PIGF: variants seen among roughly 807,000 people sequenced by gnomAD.
The protein encoded by PIGF is GPI ethanolamine phosphate transferase, stabilizing subunit.
Under a neutral mutation model 26.0 loss-of-function variants are expected in PIGF, and 23 were observed. The observed-to-expected ratio is 0.88, with a 90% CI of 0.64 to 1.25. The LOEUF is 1.25. Among genes scored for constraint, PIGF ranks in the 50% most tolerant of loss-of-function variants. The probability of loss-of-function intolerance (pLI) is 0.00; values close to 1 mark genes in which losing one functional copy is unlikely to be tolerated. For synonymous variants in PIGF, 93 were observed against 92.6 expected (o/e 1.00, Z -0.03); for missense variants, 278 against 249.9 (o/e 1.11, Z -0.76).
intron 4 of PIGF, among the ~76,000 whole-genome samples, chr2:46,595,785 A>C (rs1330450562): frequency 6.6e-6 from 1 of 152,106 alleles, no homozygotes; most frequent in Admixed American, 6.5e-5. Flanking sequence ...TTTTTTTATT[A>C]CAGTCATCGT....
chr2:46,599,091 G>A (rs1403931724), intron 4 of PIGF, among the ~76,000 whole-genome samples: 1 of 152,134 alleles, frequency 6.6e-6, no homozygotes, highest in East Asian at 1.9e-4. Flanking sequence ...GTGTAAGGTG[G>A]GAACTCATGG....
intron 4 of PIGF, among the ~76,000 whole-genome samples, chr2:46,594,779 C>T (rs1391030661): frequency 4.0e-5 from 6 of 150,676 alleles, no homozygotes; most frequent in Non-Finnish European, 5.9e-5. Flanking sequence ...TGTGATCCGC[C>T]GGCCTCAGCC....
intron 5 of PIGF, 98 bp from the exon 6 acceptor site, chr2:46,581,689 C>T: frequency 6.8e-7 from 1 of 1,464,774 alleles, no homozygotes; most frequent in Non-Finnish European, 9.1e-7. Flanking sequence ...GCTTAATGTG[C>T]TTTCTTAAAG....
At chr2:46,598,944 G>C (rs1034474423) in intron 4 of PIGF, among the ~76,000 whole-genome samples, 4 of 152,140 alleles carry the variant, frequency 2.6e-5, no homozygotes, top group African/African-American at 4.8e-5. Context: ...CTAGGGACGG[G>C]GTAGGAACCT....
chr2:46,596,944 T>C (rs1432290301), intron 4 of PIGF, among the ~76,000 whole-genome samples: 4 of 152,224 alleles, frequency 2.6e-5, no homozygotes, highest in African/African-American at 7.2e-5. Flanking sequence ...TAATCTTTAA[T>C]TGTCCATGGA....
rs1669680838 is a variant in PIGF at position 46,590,005 on chromosome 2, A to C, written c.546+2470T>G. 3.3e-5 allele frequency among the ~76,000 whole-genome samples: 5 copies of C among 152,092 alleles called. 1 individual carries two copies. The South Asian group carries it at 1.0e-3, about 31-fold the overall frequency. On this transcript the variant is annotated intron_variant, in intron 5 of 5. Transcript: ENST00000281382. ...TATCATTCCCTCAACAATACATTTC[A>C]TAATTTAAAAGGTTTACAGTGAATA...
At chr2:46,590,920 C>A (rs996548914) in intron 5 of PIGF, among the ~76,000 whole-genome samples, 1 of 152,136 alleles carries the variant, frequency 6.6e-6, no homozygotes, top group Non-Finnish European at 1.5e-5. Context: ...CGGGGAGACA[C>A]GACATCTAAC....
Position 46,588,112 on chromosome 2 carries a change from A to C in PIGF, c.546+4363T>G, listed in dbSNP as rs1669633111. The C allele has an allele frequency of 1.2e-6, 2 of 1,607,612 alleles. No individual in the cohort carries two copies. The highest frequency in any genetic ancestry group is 1.7e-6 in the Non-Finnish European group (2 of 1,176,968). On this transcript the variant is annotated intron_variant, in intron 5 of 5. Transcript: ENST00000281382. The surrounding 1 kb of genome is among the most constrained non-coding windows in gnomAD (Gnocchi z 4.1). ...TTGTCAGGATTAAGTTACTCATTTC[A>C]CAGTACCAAGCCCCCTGCAGGGTAC... is the stretch of plus-strand genomic sequence containing the variant.
chr2:46,616,432 T>C (rs1670631055), intron 1 of PIGF: 1 of 152,490 alleles, frequency 6.6e-6, no homozygotes, highest in Non-Finnish European at 1.5e-5. Flanking sequence ...GATGTGGATG[T>C]AATACAGTGA....
In PIGF at chr2:46,591,092, A is replaced by G. The variant is rs564895151; in HGVS notation, c.546+1383T>C. Among the ~76,000 whole-genome samples, 11 of 152,374 alleles carry G rather than the reference A, an allele frequency of 7.2e-5. No individual in the cohort carries two copies. The East Asian group carries it at 1.7e-3, about 24-fold the overall frequency. On this transcript the variant is annotated intron_variant, in intron 5 of 5. Transcript: ENST00000281382. ...AAATTGGACAAATATGCAAAGATGT[A>G]TAAGTATGATAATGACCATATTTGA...
intron 4 of PIGF, among the ~76,000 whole-genome samples, chr2:46,608,453 C>T (rs1307862518): frequency 3.9e-5 from 6 of 152,278 alleles, no homozygotes; most frequent in East Asian, 3.9e-4. Flanking sequence ...ATCAGCTTCT[C>T]GTCAATGTTG....
At chr2:46,590,144 G>T (rs943401080) in intron 5 of PIGF, among the ~76,000 whole-genome samples, 2 of 152,062 alleles carry the variant, frequency 1.3e-5, no homozygotes, top group Admixed American at 1.3e-4. Context: ...CACTTGTTAT[G>T]TATTTAAATT....
chr2:46,594,852 G>GTTTGTT (rs1669833943), intron 4 of PIGF, among the ~76,000 whole-genome samples: 1 of 133,784 alleles, frequency 7.5e-6, no homozygotes, highest in South Asian at 2.5e-4. Context: ...TTTTTTTTTT[G>GTTTGTT]TTTGTTTTTG....
intron 5 of PIGF, among the ~76,000 whole-genome samples, chr2:46,590,036 G>A (rs760881571): frequency 4.1e-4 from 62 of 152,098 alleles, no homozygotes; most frequent in Non-Finnish European, 6.9e-4. Flanking sequence ...GAATACGTGG[G>A]TCATTAACTT....
At chr2:46,610,526 C>CTTTTTTTTTTTTTTTTTTTTTTTTTTTTT (rs10690699) in intron 4 of PIGF, among the ~76,000 whole-genome samples, 1 of 110,316 alleles carries the variant, frequency 9.1e-6, no homozygotes, top group South Asian at 3.1e-4. Flanking sequence ...GTACTGATTC[C>CTTTTTTTTTTTTTTTTTTTTTTTTTTTTT]TTTTTTTTTT....
rs565389431 is a variant in PIGF, at chr2:46,588,026, C to A, written c.546+4449G>T. 2,293 of 1,463,104 alleles carry A rather than the reference C, an allele frequency of 1.6e-3. 3 individuals carry two copies. Among genetic ancestry groups the A allele is most frequent in the Middle Eastern group, 3.4e-3 (19 of 5,662 alleles). The allele number at this position is 1,463,104 out of a possible 1,614,324, so 90.6% of individuals were successfully genotyped here. On this transcript the variant is annotated intron_variant, in intron 5 of 5. Transcript: ENST00000281382. This position sits in a 1 kb window ranked among gnomAD's most constrained non-coding sequence, Gnocchi z 4.1. ...ATGCTAAGCAAGATGTGTACTCCTC[C>A]CCTCTCACACTTGGACTTTCTAGTG... is the stretch of plus-strand genomic sequence containing the variant.
At position 46,610,548 on chromosome 2, in the gene PIGF, G is replaced by A. The variant is rs1346152082; in HGVS notation, c.437+1680C>T. Among the ~76,000 whole-genome samples the A allele has an allele frequency of 2.5e-4, 5 of 19,638 alleles. No individual in the cohort carries two copies. The South Asian group carries it at 5.9e-3, about 23-fold the overall frequency. 12.9% of individuals were successfully genotyped at this position (19,638 alleles called of 152,430 possible). A position where few individuals can be genotyped will look rare whatever the true frequency, so the allele number is the denominator to read the frequency against. On this transcript the variant is annotated intron_variant, in intron 4 of 5. Coordinates refer to ENST00000281382, the MANE Select transcript of PIGF (RefSeq NM_002643.4). ...TTCCTTTTTTTTTTTTTTTTTTTTTGAGACAGATTCTCACTATGTTGCCCA... is the reference window on the plus strand; with the variant it reads ...TTCCTTTTTTTTTTTTTTTTTTTTTAAGACAGATTCTCACTATGTTGCCCA...
At chr2:46,609,126 A>G (rs889594230) in intron 4 of PIGF, among the ~76,000 whole-genome samples, 6 of 152,206 alleles carry the variant, frequency 3.9e-5, no homozygotes, top group African/African-American at 1.4e-4. Flanking sequence ...TTCACCAACA[A>G]TCTTAGCTAG....
intron 5 of PIGF, among the ~76,000 whole-genome samples, chr2:46,587,126 A>G (rs959061901): frequency 3.9e-5 from 6 of 152,258 alleles, no homozygotes; most frequent in Non-Finnish European, 5.9e-5. Flanking sequence ...TGCCAGTTCA[A>G]TGTTAACACA....
Sources: allele counts gnomAD v4.1 joint callset (sites outside exome capture counted in the v4.1 genomes callset), GRCh38; gene constraint gnomAD v4.1.1; non-coding constraint Gnocchi (gnomAD v3.1); transcripts MANE v1.5; gene names NCBI Gene and HGNC (gene_info 2026-07-23, HGNC 2026-07-21).